Variants in ZNFX1 observed in about 807,000 individuals in gnomAD.
ZNFX1 encodes the protein NFX1-type zinc finger-containing protein 1.
In ZNFX1, 78 loss-of-function variants were observed where a neutral mutation model predicts 179.8. The observed-to-expected ratio is 0.43, with a 90% CI of 0.36 to 0.52. The LOEUF (loss-of-function observed/expected upper bound fraction) is 0.52, where lower values mean the gene tolerates loss of function less well. Ranked by LOEUF, ZNFX1 falls within the 20% of genes least tolerant of loss-of-function variation. The pLI is 0.00. For synonymous variants in ZNFX1, 848 were observed against 868.5 expected (o/e 0.98, Z 0.42); for missense variants, 1,927 against 2,386.6 (o/e 0.81, Z 4.01).
intron 13 of ZNFX1, among the ~76,000 whole-genome samples, chr20:49,251,182 G>T (rs558396348): frequency 2.0e-5 from 3 of 151,870 alleles, no homozygotes; most frequent in African/African-American, 7.2e-5. Context: ...CCGCTGCCCA[G>T]CCTGGAGTGC....
chr20:49,246,443 C>G lies in ZNFX1; in HGVS notation c.*824G>C, dbSNP rs1980673777. ...GTGCAGTCTTTTGTCTTATCACGTG[C>G]CTCCATCTCCTGGAGGCAGGGTGCC... is the stretch of plus-strand genomic sequence containing the variant. On this transcript the variant is annotated 3_prime_UTR_variant, in exon 14 of 14. Transcript: ENST00000396105. 1 of 161,886 alleles carries G rather than the reference C, an allele frequency of 6.2e-6. No individual in the cohort carries two copies. The highest frequency in any genetic ancestry group is 1.3e-5 in the Non-Finnish European group (1 of 74,182). The allele number at this position is 161,886 out of a possible 1,614,324, so 10.0% of individuals were successfully genotyped here. A position where few individuals can be genotyped will look rare whatever the true frequency, so the allele number is the denominator to read the frequency against.
At chr20:49,271,988 T>G (rs1981419295) in intron 2 of ZNFX1, among the ~76,000 whole-genome samples, 1 of 152,186 alleles carries the variant, frequency 6.6e-6, no homozygotes, top group South Asian at 2.1e-4. Context: ...AAACAGTTAT[T>G]GAGTACCTGA....
rs1242896528 is a variant in ZNFX1, at chr20:49,260,452, G to A, written c.2416+11C>T. Reference sequence around the variant, plus strand: ...TTAAGATTTGATTCTAGGAAGACATGCACTTCTTACCTGTATTCTCAGGTC... The same window carrying A: ...TTAAGATTTGATTCTAGGAAGACATACACTTCTTACCTGTATTCTCAGGTC... On this transcript the variant is annotated intron_variant, in intron 7 of 13. Transcript: ENST00000396105. 1 of 1,586,094 alleles carries A rather than the reference G, an allele frequency of 6.3e-7. No individual in the cohort carries two copies. Among genetic ancestry groups the A allele is most frequent in the Non-Finnish European group, 8.6e-7 (1 of 1,157,498 alleles).
At chr20:49,252,174 G>C (rs1329571398) in intron 12 of ZNFX1, among the ~76,000 whole-genome samples, 2 of 142,394 alleles carry the variant, frequency 1.4e-5, no homozygotes, top group Non-Finnish European at 3.0e-5. Flanking sequence ...ACAGAATCTA[G>C]CTCTATTGCC....
rs1447950243 is a variant in ZNFX1, at chr20:49,261,276, C to G, written c.2302-699G>C. On this transcript the variant is annotated intron_variant, in intron 6 of 13. Transcript: ENST00000396105. The stretch of plus-strand genomic sequence containing the variant: ...ATTCCCTTAAAGTTTATAGGCTGTA[C>G]TATTCACAACAGCAAAGACATCTAA... Among the ~76,000 whole-genome samples the G allele has an allele frequency of 6.6e-5, 10 of 152,228 alleles. No homozygotes were observed. The East Asian group carries it at 1.9e-3, about 29-fold the overall frequency.
At chr20:49,265,177 T>C (rs1398003635) in intron 4 of ZNFX1, among the ~76,000 whole-genome samples, 1 of 152,200 alleles carries the variant, frequency 6.6e-6, no homozygotes, top group African/African-American at 2.4e-5. Context: ...GATTTAGAGA[T>C]GGCAATATCT....
rs781439672 is a variant in ZNFX1 at position 49,271,469 on chromosome 20, G to A, written c.343C>T (p.Arg115Cys). 73 of 1,614,028 alleles carry A rather than the reference G, an allele frequency of 4.5e-5. No individual in the cohort carries two copies. The South Asian group carries it at 7.2e-4, about 16-fold the overall frequency. Residue 115 changes from arginine (R) to cysteine (C), a missense_variant, in exon 3 of 14, where the codon CGC becomes TGC. Transcript: ENST00000396105. ...WRNGNQDCRNRRPPWSNDNFQ... is the reference protein window; with the variant it reads ...WRNGNQDCRNCRPPWSNDNFQ... ...TTGTCATTGGACCATGGTGGTCTGC[G>A]GTTCCTACAGTCCTGGTTGCCATTT... is the stretch of plus-strand genomic sequence containing the variant.
In ZNFX1 at chr20:49,246,172, T is replaced by G. The variant is rs1217324757; in HGVS notation, c.*1095A>C. 1 of 152,172 alleles carries G rather than the reference T, an allele frequency of 6.6e-6. No homozygotes were observed. Among genetic ancestry groups the G allele is most frequent in the African/African-American group, 2.4e-5 (1 of 41,434 alleles). The allele number at this position is 152,172 out of a possible 1,614,324, so 9.4% of individuals were successfully genotyped here. The stretch of plus-strand genomic sequence containing the variant: ...GGAGTGTTGGGATGAAGGATCACAC[T>G]TGGGATAGGTGCTGCTGGTACCAAA... On this transcript the variant is annotated 3_prime_UTR_variant, in exon 14 of 14. Coordinates refer to ENST00000396105, the MANE Select transcript of ZNFX1 (RefSeq NM_021035.3).
chr20:49,249,839 C>T, intron 13 of ZNFX1, 128 bp from the exon 14 acceptor site: 2 of 917,522 alleles, frequency 2.2e-6, no homozygotes, highest in East Asian at 5.2e-5. Context: ...TTTGTCCACT[C>T]AACATCACTA....
intron 11 of ZNFX1, 55 bp from the exon 12 acceptor site, chr20:49,252,885 C>T (rs1391533091): frequency 7.3e-7 from 1 of 1,363,142 alleles, no homozygotes; most frequent in African/African-American, 1.4e-5. Flanking sequence ...TTTAACCATC[C>T]ATACTTCCAT....
At chr20:49,271,842 T>C (rs1476154920) in intron 2 of ZNFX1, 92 bp from the exon 3 acceptor site, 2 of 1,430,700 alleles carry the variant, frequency 1.4e-6, no homozygotes, top group African/African-American at 2.8e-5. Context: ...TTTTCCAAAA[T>C]AACTAAAGAG....
At chr20:49,256,736 C>A (rs1220693456) in intron 8 of ZNFX1, among the ~76,000 whole-genome samples, 1 of 152,210 alleles carries the variant, frequency 6.6e-6, no homozygotes, top group Admixed American at 6.5e-5. Context: ...TATAGTGATA[C>A]TGAACTGAAC....
intron 2 of ZNFX1, among the ~76,000 whole-genome samples, 170 bp from the exon 3 acceptor site, chr20:49,271,920 T>C (rs1195747399): frequency 6.6e-6 from 1 of 152,190 alleles, no homozygotes; most frequent in African/African-American, 2.4e-5. Flanking sequence ...ATAATTACTG[T>C]TGCTGTAGAG....
intron 1 of ZNFX1, among the ~76,000 whole-genome samples, chr20:49,276,504 C>T (rs2146745833): frequency 6.6e-6 from 1 of 152,342 alleles, no homozygotes; most frequent in Admixed American, 6.5e-5. Flanking sequence ...GGTTTGGCAA[C>T]TACGAGGTGC....
chr20:49,252,575 T>G (rs1023179125), intron 12 of ZNFX1, 145 bp downstream of exon 12: 8 of 601,264 alleles, frequency 1.3e-5, no homozygotes, highest in South Asian at 2.2e-5. Context: ...TCTTGTGGTG[T>G]TTTAAAACAG....
At chr20:49,269,664 G>C (rs1255507576) in intron 3 of ZNFX1, among the ~76,000 whole-genome samples, 1 of 152,166 alleles carries the variant, frequency 6.6e-6, no homozygotes, top group Non-Finnish European at 1.5e-5. Flanking sequence ...CTGGGTGACA[G>C]AGTAAGACTC....
chr20:49,276,603 G>A (rs1019582469), intron 1 of ZNFX1, among the ~76,000 whole-genome samples: 24 of 152,314 alleles, frequency 1.6e-4, no homozygotes, highest in African/African-American at 5.8e-4. Flanking sequence ...TCCTGTAAGA[G>A]GAAGAGGAAG....
In ZNFX1 at chr20:49,248,360, C is replaced by G; in HGVS notation, c.4664G>C (p.Gly1555Ala). 5 of 1,613,608 alleles carry G rather than the reference C, an allele frequency of 3.1e-6. No homozygotes were observed. Among genetic ancestry groups the G allele is most frequent in the Non-Finnish European group, 4.2e-6 (5 of 1,179,658 alleles). ...CCGGCATTTCTTGGGGCATGGCTCCCCACAGAGACCAATGCAGGGGTGGCC... is the reference window on the plus strand; with the variant it reads ...CCGGCATTTCTTGGGGCATGGCTCCGCACAGAGACCAATGCAGGGGTGGCC... Reference protein sequence around the residue: ...VCGHPCIGLCGEPCPKKCRIC... With the variant: ...VCGHPCIGLCAEPCPKKCRIC... The change falls in exon 14 of 14, where the codon GGG (glycine) becomes GCG (alanine). Residue 1555 changes from glycine to alanine, a missense_variant. Physicochemically the swap from Gly to Ala is moderately conservative, Grantham distance 60. Transcript: ENST00000396105. This position sits in a 1 kb window ranked among gnomAD's most constrained non-coding sequence, Gnocchi z 4.6.
chr20:49,272,118 G>C (rs1981422955), intron 2 of ZNFX1, among the ~76,000 whole-genome samples: 1 of 151,784 alleles, frequency 6.6e-6, no homozygotes, highest in Non-Finnish European at 1.5e-5. Flanking sequence ...ACATTGGCCT[G>C]GCCACTGCCT....
Sources: gnomAD v4.1 joint callset for allele counts (sites outside exome capture counted in the v4.1 genomes callset) on GRCh38, gnomAD v4.1.1 for gene constraint, Gnocchi (gnomAD v3.1) non-coding constraint, MANE v1.5 for transcripts, NCBI Gene and HGNC (gene_info 2026-07-23, HGNC 2026-07-21) for gene names.